NFASC: variants seen among roughly 807,000 people sequenced by gnomAD.
The protein encoded by NFASC is neurofascin.
A neutral mutation model predicts 147.5 loss-of-function variants in NFASC; 43 were observed. That is an observed-to-expected ratio of 0.29 (90% CI 0.23 to 0.38). The LOEUF is 0.38. Among genes scored for constraint, NFASC ranks in the 10% least tolerant of loss-of-function variants. NFASC has a pLI of 1.00. For missense variants in NFASC, 1,320 were observed against 1,689.0 expected, an observed-to-expected ratio of 0.78 and a Z score of 3.83; for synonymous variants, 622 against 665.5, an observed-to-expected ratio of 0.93 and a Z score of 1.01.
At chr1:204,860,040 G>A (rs2076523242) in intron 1 of NFASC, among the ~76,000 whole-genome samples, 1 of 152,180 alleles carries the variant, frequency 6.6e-6, no homozygotes, top group South Asian at 2.1e-4. Flanking sequence ...GCAGAAGAGT[G>A]TGGCGTGGGC....
chr1:204,932,545 G>T (rs527247881), intron 2 of NFASC, among the ~76,000 whole-genome samples: 1 of 152,166 alleles, frequency 6.6e-6, no homozygotes, highest in Non-Finnish European at 1.5e-5. Flanking sequence ...TTCACAAAGT[G>T]GGGAGAAAGA....
At chr1:204,950,493 G>C in intron 3 of NFASC, 64 bp from the exon 4 acceptor site, 5 of 1,497,414 alleles carry the variant, frequency 3.3e-6, no homozygotes, top group Non-Finnish European at 4.6e-6. Context: ...ATGCCTGGGC[G>C]GTTGTGTGCA....
chr1:204,856,380 C>CA (rs2076155699), intron 1 of NFASC, among the ~76,000 whole-genome samples: 2 of 49,638 alleles, frequency 4.0e-5, no homozygotes, highest in Admixed American at 2.2e-4. Context: ...AGATGCAGAA[C>CA]AGGTGTGTGT....
At chr1:205,003,929 A>C (rs1035654191) in intron 27 of NFASC, among the ~76,000 whole-genome samples, 4 of 152,074 alleles carry the variant, frequency 2.6e-5, no homozygotes, top group African/African-American at 9.7e-5. Context: ...CAAGGCTCAG[A>C]GGGTCTGAGA....
intron 1 of NFASC, among the ~76,000 whole-genome samples, chr1:204,879,948 G>T (rs2079820152): frequency 6.6e-6 from 1 of 152,198 alleles, no homozygotes; most frequent in Admixed American, 6.5e-5. Flanking sequence ...CTCGGCTGTG[G>T]GCACAGCTGG....
intron 1 of NFASC, among the ~76,000 whole-genome samples, chr1:204,889,005 G>A (rs950437565): frequency 1.3e-5 from 2 of 152,114 alleles, no homozygotes; most frequent in Non-Finnish European, 2.9e-5. Flanking sequence ...ACCCTGGTTG[G>A]GATGCTTCCC....
Position 204,987,342 on chromosome 1 carries a change from G to T in NFASC, c.2471-76G>T, listed in dbSNP as rs2095637058. On this transcript the variant is annotated intron_variant, in intron 21 of 29. Coordinates refer to ENST00000339876, the MANE Select transcript of NFASC (RefSeq NM_001005388.3). This position sits in a 1 kb window ranked among gnomAD's most constrained non-coding sequence, Gnocchi z 4.4. ...CAGAGGTCAATGCCTTCATACTTGTGCTTTGTTTTTTGTGTTTTCCTCATC... is the reference window on the plus strand; with the variant it reads ...CAGAGGTCAATGCCTTCATACTTGTTCTTTGTTTTTTGTGTTTTCCTCATC... 18 of 1,411,952 alleles carry T rather than the reference G, an allele frequency of 1.3e-5. No homozygotes were observed. The highest frequency in any genetic ancestry group is 1.8e-5 in the Non-Finnish European group (18 of 1,018,018). The allele number at this position is 1,411,952 out of a possible 1,614,324, so 87.5% of individuals were successfully genotyped here.
At position 205,016,613 on chromosome 1, in the gene NFASC, C is replaced by T. The variant is rs1373616389; in HGVS notation, c.*74C>T. 2.0e-5 allele frequency: 21 copies of T among 1,075,356 alleles called. No individual in the cohort carries two copies. The highest frequency in any genetic ancestry group is 2.7e-5 in the Non-Finnish European group (19 of 701,120). 66.6% of individuals were successfully genotyped at this position (1,075,356 alleles called of 1,614,324 possible). On this transcript the variant is annotated 3_prime_UTR_variant, in exon 30 of 30. Transcript: ENST00000339876. The surrounding 1 kb of genome is among the most constrained non-coding windows in gnomAD (Gnocchi z 5.1). ...GAAGGGGAGACAAAACCACTGCAGACCTACCACGAAGCCACCACCACCTTC... is the reference window on the plus strand; with the variant it reads ...GAAGGGGAGACAAAACCACTGCAGATCTACCACGAAGCCACCACCACCTTC...
intron 21 of NFASC, chr1:204,984,211 G>C (rs1478931362): frequency 1.0e-6 from 1 of 993,554 alleles, no homozygotes; most frequent in Non-Finnish European, 1.6e-6. Context: ...TAGCAAATGC[G>C]GGCTATAAGA....
At chr1:204,906,755 TCACTGCAAGCTCCGCCTCCCG>T (rs1221529413) in intron 1 of NFASC, among the ~76,000 whole-genome samples, 2,567 of 62,432 alleles carry the variant, frequency 0.041, 88 homozygotes, top group African/African-American at 0.14. Context: ...CGATCTCGGC[TCACTGCAAGCTCCGCCTCCCG>T]GGCTCATGCC....
intron 1 of NFASC, among the ~76,000 whole-genome samples, chr1:204,899,079 G>A (rs2083985857): frequency 6.6e-6 from 1 of 152,138 alleles, no homozygotes; most frequent in Non-Finnish European, 1.5e-5. Flanking sequence ...GCCCCAGGGA[G>A]CTCCCAGGCT....
intron 2 of NFASC, 45 bp from the exon 3 acceptor site, chr1:204,944,181 A>G (rs2093559121): frequency 6.6e-7 from 1 of 1,525,392 alleles, no homozygotes; most frequent in African/African-American, 1.4e-5. Context: ...AGAGCAAACC[A>G]CAAGTTCATG....
intron 26 of NFASC, among the ~76,000 whole-genome samples, chr1:205,002,357 C>T (rs6697344): frequency 2.0e-5 from 3 of 152,014 alleles, no homozygotes; most frequent in Non-Finnish European, 2.9e-5. Flanking sequence ...GTGAGGAAAG[C>T]GAACTTCAGG....
intron 1 of NFASC, among the ~76,000 whole-genome samples, chr1:204,839,466 G>A (rs545069496): frequency 3.4e-4 from 52 of 152,216 alleles, no homozygotes; most frequent in African/African-American, 1.2e-3. Context: ...CCAGAGCTGC[G>A]GGTGGGATGC....
chr1:204,897,665 C>G lies in NFASC; in HGVS notation c.-199-22967C>G, dbSNP rs1429991207. 3.9e-5 allele frequency among the ~76,000 whole-genome samples: 6 copies of G among 151,944 alleles called. 1 individual carries two copies. On this transcript the variant is annotated intron_variant, in intron 1 of 29. Coordinates refer to ENST00000339876, the MANE Select transcript of NFASC (RefSeq NM_001005388.3). Reference sequence around the variant, plus strand: ...CATGGCTCACTGCAGCCTCAACCTCCTGGGTTCAAGTGATTCTTCCACCTC... The same window carrying G: ...CATGGCTCACTGCAGCCTCAACCTCGTGGGTTCAAGTGATTCTTCCACCTC...
chr1:204,997,178 A>G lies in NFASC; in HGVS notation c.2791A>G (p.Thr931Ala). The stretch of plus-strand genomic sequence containing the variant: ...TTACATTTCCCTCTCAGCTCCTCCC[A>G]CATTGCCCCCGACTACCGTGGGTGC... ...NEATPTAAPP[T>A]LPPTTVGATG... Residue 931 changes from threonine to alanine, a missense_variant, in exon 25 of 30, where the codon ACA (threonine) becomes GCA (alanine). By Grantham distance (58) the Thr-to-Ala change is moderately conservative (BLOSUM62 0). Coordinates refer to ENST00000339876, the MANE Select transcript of NFASC (RefSeq NM_001005388.3). 2.5e-6 allele frequency: 4 copies of G among 1,609,978 alleles called. No individual in the cohort carries two copies. The highest frequency in any genetic ancestry group is 3.4e-6 in the Non-Finnish European group (4 of 1,176,726).
intron 7 of NFASC, among the ~76,000 whole-genome samples, chr1:204,955,232 T>G (rs1317020707): frequency 8.5e-5 from 13 of 152,192 alleles, no homozygotes; most frequent in Admixed American, 8.5e-4. Flanking sequence ...GAGCTAATCA[T>G]AGTACTTATC....
Position 205,001,301 on chromosome 1 carries a change from G to A in NFASC, c.3136+15G>A, listed in dbSNP as rs1313364015. 1 of 1,540,968 alleles carries A rather than the reference G, an allele frequency of 6.5e-7. No individual in the cohort carries two copies. The highest frequency in any genetic ancestry group is 1.4e-5 in the African/African-American group (1 of 73,648). ...GTACATCGACAGTAAGCATTGCTGT[G>A]CGGGGTGGTGGTGGCGGCAGCGGCG... On this transcript the variant is annotated intron_variant, in intron 26 of 29. Coordinates refer to ENST00000339876, the MANE Select transcript of NFASC (RefSeq NM_001005388.3).
intron 1 of NFASC, among the ~76,000 whole-genome samples, chr1:204,883,915 G>GACACCTAGC (rs1276607135): frequency 1.3e-5 from 2 of 152,302 alleles, no homozygotes; most frequent in East Asian, 3.9e-4. Flanking sequence ...CGGATGTCCT[G>GACACCTAGC]ACACCTAGCG....
Sources: gnomAD v4.1 joint callset for allele counts (sites outside exome capture counted in the v4.1 genomes callset) on GRCh38, gnomAD v4.1.1 for gene constraint, Gnocchi (gnomAD v3.1) non-coding constraint, MANE v1.5 for transcripts, NCBI Gene and HGNC (gene_info 2026-07-23, HGNC 2026-07-21) for gene names.